The following CDK14 variants were observed in gnomAD, a reference collection of about 807,000 sequenced individuals.
CDK14 encodes the protein cyclin dependent kinase 14, also known as cyclin-dependent kinase 14.
Under a neutral mutation model 60.7 loss-of-function variants are expected in CDK14, and 34 were observed. That is an observed-to-expected ratio of 0.56 (90% CI 0.43 to 0.75). The LOEUF is 0.75. Ranked by LOEUF, CDK14 falls within the 30% of genes least tolerant of loss-of-function variation. The probability of loss-of-function intolerance (pLI) is 0.00; values close to 1 mark genes in which losing one functional copy is unlikely to be tolerated. For missense variants in CDK14, 482 were observed against 564.1 expected, an observed-to-expected ratio of 0.85 and a Z score of 1.47; for synonymous variants, 197 against 203.7, an observed-to-expected ratio of 0.97 and a Z score of 0.28.
chr7:90,749,683 A>T (rs1290773763), intron 4 of CDK14, among the ~76,000 whole-genome samples: 1 of 151,844 alleles, frequency 6.6e-6, no homozygotes. Context: ...GAGCACTTAC[A>T]CTCCTGGATT....
At position 90,951,527 on chromosome 7, in the gene CDK14, G is replaced by A. The variant is rs542788704; in HGVS notation, c.827-4170G>A. On this transcript the variant is annotated intron_variant, in intron 8 of 14. Transcript: ENST00000380050. Reference sequence around the variant, plus strand: ...TTCTCAATTCTTTAGTCAAAGCAAAGGAATGGGAATGATCATTTCTGAACC... The same window carrying A: ...TTCTCAATTCTTTAGTCAAAGCAAAAGAATGGGAATGATCATTTCTGAACC... 3.3e-5 allele frequency among the ~76,000 whole-genome samples: 5 copies of A among 152,280 alleles called. No individual in the cohort carries two copies. The South Asian group carries it at 1.0e-3, about 32-fold the overall frequency.
At chr7:90,610,953 G>T (rs6976493) in intron 2 of CDK14, among the ~76,000 whole-genome samples, 1 of 152,038 alleles carries the variant, frequency 6.6e-6, no homozygotes, top group Non-Finnish European at 1.5e-5. Context: ...ATACCGTTAG[G>T]TGTCCACTCC....
chr7:90,710,627 A>C (rs1289868033), intron 2 of CDK14: 1 of 847,748 alleles, frequency 1.2e-6, no homozygotes. Flanking sequence ...CAGAAGTGAT[A>C]ATTCTTCGTG....
At chr7:90,933,166 C>T (rs572651776) in intron 8 of CDK14, among the ~76,000 whole-genome samples, 1 of 151,758 alleles carries the variant, frequency 6.6e-6, no homozygotes, top group Admixed American at 6.6e-5. Flanking sequence ...ATGGTGAAAC[C>T]CCAACTCTAC....
intron 12 of CDK14, among the ~76,000 whole-genome samples, chr7:91,106,434 A>G (rs1266876387): frequency 6.6e-6 from 1 of 152,190 alleles, no homozygotes; most frequent in Admixed American, 6.5e-5. Context: ...TTCTGGCACA[A>G]AAAAATAATC....
intron 5 of CDK14, among the ~76,000 whole-genome samples, chr7:90,848,830 C>G (rs369968579): frequency 4.6e-5 from 7 of 152,322 alleles, no homozygotes; most frequent in African/African-American, 1.7e-4. Context: ...CCTATTCCAT[C>G]TAGTGGGTTT....
intron 5 of CDK14, among the ~76,000 whole-genome samples, chr7:90,860,219 A>G (rs1790959496): frequency 2.0e-5 from 3 of 151,466 alleles, no homozygotes; most frequent in South Asian, 4.2e-4. Context: ...GCATTGTACA[A>G]TTTTTTTTTA....
chr7:91,166,106 A>T (rs188613441), intron 14 of CDK14, among the ~76,000 whole-genome samples: 1 of 152,340 alleles, frequency 6.6e-6, no homozygotes, highest in Admixed American at 6.5e-5. Flanking sequence ...CTGCTTCCCT[A>T]GTAAGGAGGC....
Position 90,863,276 on chromosome 7 carries a change from A to G in CDK14, c.639+7A>G. The G allele has an allele frequency of 6.8e-7, 1 of 1,469,766 alleles. No homozygotes were observed. Among genetic ancestry groups the G allele is most frequent in the Non-Finnish European group, 9.4e-7 (1 of 1,058,848 alleles). The allele number at this position is 1,469,766 out of a possible 1,614,324, so 91.0% of individuals were successfully genotyped here. The stretch of plus-strand genomic sequence containing the variant: ...ACTTGTGTTTGAATATGTGGTAAGT[A>G]AAATAAGACTTTTAAATTTAGACAT... On this transcript the variant is annotated splice_region_variant and intron_variant, in intron 6 of 14. Coordinates refer to ENST00000380050, the MANE Select transcript of CDK14 (RefSeq NM_001287135.2).
intron 5 of CDK14, among the ~76,000 whole-genome samples, chr7:90,805,423 A>G (rs989417843): frequency 8.2e-6 from 1 of 121,460 alleles, no homozygotes; most frequent in Non-Finnish European, 1.7e-5. Flanking sequence ...TTGAATAGAA[A>G]GGAATTTTCT....
intron 2 of CDK14, among the ~76,000 whole-genome samples, chr7:90,644,616 G>A (rs979433302): frequency 6.6e-6 from 1 of 152,278 alleles, no homozygotes; most frequent in African/African-American, 2.4e-5. Context: ...GTGGATATGC[G>A]TTTAATATTC....
intron 9 of CDK14, among the ~76,000 whole-genome samples, chr7:90,981,869 A>G (rs1258478632): frequency 7.0e-6 from 1 of 143,350 alleles, no homozygotes; most frequent in Non-Finnish European, 1.5e-5. Context: ...CCAGAAGTCA[A>G]GAACCAAGTC....
chr7:91,082,107 T>C (rs1261795624), intron 12 of CDK14, among the ~76,000 whole-genome samples: 1 of 152,184 alleles, frequency 6.6e-6, no homozygotes, highest in East Asian at 1.9e-4. Flanking sequence ...TCTCTCTATT[T>C]ATAGTTGTCT....
chr7:90,692,532 A>G (rs1801573435), intron 2 of CDK14: 1 of 169,756 alleles, frequency 5.9e-6, no homozygotes, highest in Admixed American at 6.5e-5. Flanking sequence ...GATATCCCTT[A>G]AGAGCCAAAA....
chr7:91,183,248 G>A (rs946663905), intron 14 of CDK14, among the ~76,000 whole-genome samples: 6 of 152,230 alleles, frequency 3.9e-5, no homozygotes, highest in Non-Finnish European at 7.3e-5. Flanking sequence ...CACAGAGTTT[G>A]TGTGTGTCAC....
intron 12 of CDK14, among the ~76,000 whole-genome samples, chr7:91,104,999 T>C (rs554790752): frequency 9.2e-4 from 140 of 152,294 alleles, no homozygotes; most frequent in African/African-American, 3.3e-3. Context: ...ATTATAAATA[T>C]ATGCCTATAG....
At chr7:91,164,177 G>A (rs1014337698) in intron 14 of CDK14, among the ~76,000 whole-genome samples, 4 of 152,052 alleles carry the variant, frequency 2.6e-5, no homozygotes, top group African/African-American at 7.2e-5. Flanking sequence ...AATAAATTAC[G>A]GTATAGCTAT....
intron 13 of CDK14, among the ~76,000 whole-genome samples, chr7:91,114,060 T>C (rs1002238046): frequency 3.3e-5 from 5 of 152,204 alleles, no homozygotes; most frequent in Admixed American, 6.5e-5. Flanking sequence ...TTTCCTATAC[T>C]GAAAACAAAA....
In CDK14 at chr7:91,119,861, G is replaced by C. The variant is rs186157518; in HGVS notation, c.*28+1653G>C. On this transcript the variant is annotated intron_variant, in intron 14 of 14. Transcript: ENST00000380050. ...ATAGGTAAGAGTCTTCATTCTTCAT[G>C]TTATTTCTCCCTGTTGAATAAAAAG... Among the ~76,000 whole-genome samples, 592 of 152,190 alleles carry C rather than the reference G, an allele frequency of 3.9e-3. 3 individuals are homozygous for C. Among genetic ancestry groups the C allele is most frequent in the Middle Eastern group, 0.027 (8 of 294 alleles).
Sources: allele counts gnomAD v4.1 joint callset (sites outside exome capture counted in the v4.1 genomes callset), GRCh38; gene constraint gnomAD v4.1.1; transcripts MANE v1.5; gene names NCBI Gene and HGNC (gene_info 2026-07-23, HGNC 2026-07-21).